The following ADAMTS17 variants were observed in gnomAD, a reference collection of about 807,000 sequenced individuals.
ADAMTS17 encodes A disintegrin and metalloproteinase with thrombospondin motifs 17.
ADAMTS17 carries 113 observed loss-of-function variants against 141.5 expected under a neutral mutation model. The ratio of observed to expected loss-of-function variants is 0.80; its 90% CI spans 0.69 to 0.93. The LOEUF (loss-of-function observed/expected upper bound fraction) is 0.93. Ranked by LOEUF, ADAMTS17 falls within the 40% of genes least tolerant of loss-of-function variation. The probability of loss-of-function intolerance (pLI) is 0.00; values close to 1 mark genes in which losing one functional copy is unlikely to be tolerated. For synonymous variants in ADAMTS17, 768 were observed against 630.6 expected (o/e 1.22, Z -3.27); for missense variants, 1,659 against 1,517.9 (o/e 1.09, Z -1.54).
intron 6 of ADAMTS17, among the ~76,000 whole-genome samples, chr15:100,256,015 C>T (rs1045364218): frequency 6.6e-6 from 1 of 152,230 alleles, no homozygotes; most frequent in African/African-American, 2.4e-5. Context: ...GAATCTCGAT[C>T]CTTCCTGTTC....
chr15:100,044,331 AC>A (rs780608972), intron 18 of ADAMTS17, among the ~76,000 whole-genome samples: 1 of 152,186 alleles, frequency 6.6e-6, no homozygotes, highest in Non-Finnish European at 1.5e-5. Context: ...CCCACAGGTA[AC>A]TGAGTCTTGC....
At chr15:100,278,347 AG>A (rs1166815456) in intron 4 of ADAMTS17, among the ~76,000 whole-genome samples, 1 of 150,552 alleles carries the variant, frequency 6.6e-6, no homozygotes, top group Non-Finnish European at 1.5e-5. Context: ...AAAAAAACCC[AG>A]AAAAAGAAAC....
intron 15 of ADAMTS17, among the ~76,000 whole-genome samples, chr15:100,070,285 T>C (rs1443030382): frequency 1.3e-5 from 2 of 149,598 alleles, no homozygotes; most frequent in African/African-American, 5.0e-5. Context: ...TCCCACACAA[T>C]AATAATGGGA....
intron 15 of ADAMTS17, among the ~76,000 whole-genome samples, chr15:100,077,365 G>C (rs993811485): frequency 3.3e-5 from 5 of 149,830 alleles, no homozygotes; most frequent in African/African-American, 9.9e-5. Flanking sequence ...AGGAGGCTGA[G>C]GCACGAGAAT....
intron 8 of ADAMTS17, among the ~76,000 whole-genome samples, chr15:100,196,832 T>C (rs1035586208): frequency 6.6e-6 from 1 of 152,320 alleles, no homozygotes; most frequent in African/African-American, 2.4e-5. Flanking sequence ...GGGGAGGACA[T>C]AGCTTCATCC....
intron 20 of ADAMTS17, chr15:99,976,691 T>G (rs538261691): frequency 4.0e-5 from 10 of 249,952 alleles, no homozygotes; most frequent in African/African-American, 2.0e-4. Context: ...GCTTGCTGGC[T>G]CTCCACCGTG....
At chr15:100,182,581 C>T (rs1893548221) in intron 8 of ADAMTS17, among the ~76,000 whole-genome samples, 1 of 152,174 alleles carries the variant, frequency 6.6e-6, no homozygotes, top group African/African-American at 2.4e-5. Context: ...GACTGTCTTT[C>T]CTACCGACTT....
intron 15 of ADAMTS17, among the ~76,000 whole-genome samples, chr15:100,089,788 C>T (rs1261694101): frequency 7.2e-6 from 1 of 138,372 alleles, no homozygotes; most frequent in Non-Finnish European, 1.5e-5. Flanking sequence ...ACAATGAGAA[C>T]ACATGGACAC....
At chr15:100,301,491 AT>A (rs55686011) in intron 3 of ADAMTS17, among the ~76,000 whole-genome samples, 11,074 of 133,262 alleles carry the variant, frequency 0.083, 704 homozygotes, top group African/African-American at 0.2. Context: ...CACCGGGCTA[AT>A]TTTTTTTTTT....
At chr15:100,205,382 A>G (rs751793166) in intron 7 of ADAMTS17, among the ~76,000 whole-genome samples, 12 of 152,128 alleles carry the variant, frequency 7.9e-5, no homozygotes, top group Non-Finnish European at 1.8e-4. Context: ...GGGAGAGGGG[A>G]AGGAAAGAGA....
intron 2 of ADAMTS17, among the ~76,000 whole-genome samples, chr15:100,337,012 T>C (rs1017289294): frequency 2.0e-5 from 3 of 152,144 alleles, no homozygotes; most frequent in Admixed American, 6.5e-5. Context: ...TAGCTGGGAT[T>C]ACAGGCGCCC....
intron 8 of ADAMTS17, among the ~76,000 whole-genome samples, chr15:100,183,712 A>T (rs1016300636): frequency 2.6e-5 from 4 of 152,148 alleles, no homozygotes; most frequent in African/African-American, 9.7e-5. Context: ...TACTTTGGTT[A>T]TTATATTAGG....
intron 15 of ADAMTS17, among the ~76,000 whole-genome samples, chr15:100,066,237 T>G (rs2033515799): frequency 6.6e-6 from 1 of 152,202 alleles, no homozygotes; most frequent in African/African-American, 2.4e-5. Flanking sequence ...GCTTTTATCA[T>G]GAAGAGGTAT....
At chr15:99,987,298 G>A (rs945954907) in intron 20 of ADAMTS17, among the ~76,000 whole-genome samples, 4 of 152,150 alleles carry the variant, frequency 2.6e-5, no homozygotes, top group Non-Finnish European at 5.9e-5. Context: ...CACAGTGAGC[G>A]GAACACCTGC....
chr15:100,250,712 C>T (rs1377349336), intron 7 of ADAMTS17, among the ~76,000 whole-genome samples: 1 of 152,104 alleles, frequency 6.6e-6, no homozygotes, highest in Non-Finnish European at 1.5e-5. Context: ...CATGCAGAAA[C>T]CAGTGAAGCC....
intron 14 of ADAMTS17, among the ~76,000 whole-genome samples, chr15:100,099,418 G>A (rs923064948): frequency 3.9e-5 from 6 of 152,202 alleles, no homozygotes; most frequent in African/African-American, 1.4e-4. Flanking sequence ...GCTGCCATAG[G>A]ACACAACTGA....
At chr15:100,035,818 T>G (rs561677367) in intron 18 of ADAMTS17, among the ~76,000 whole-genome samples, 13 of 152,260 alleles carry the variant, frequency 8.5e-5, no homozygotes, top group African/African-American at 2.4e-4. Context: ...GAGTAAGTAG[T>G]ATAAATATGA....
At chr15:100,190,472 G>C (rs1440178372) in intron 8 of ADAMTS17, among the ~76,000 whole-genome samples, 1 of 152,208 alleles carries the variant, frequency 6.6e-6, no homozygotes, top group Non-Finnish European at 1.5e-5. Context: ...AAGGCATTCA[G>C]GTTTCTTCCA....
chr15:100,058,772 A>G (rs1402630963), intron 15 of ADAMTS17, among the ~76,000 whole-genome samples: 3 of 152,166 alleles, frequency 2.0e-5, no homozygotes, highest in Admixed American at 2.0e-4. Flanking sequence ...CTGTAGCGGA[A>G]TGGGTGGGAG....
Sources: allele counts gnomAD v4.1 joint callset (sites outside exome capture counted in the v4.1 genomes callset), GRCh38; gene constraint gnomAD v4.1.1; transcripts MANE v1.5; gene names NCBI Gene and HGNC (gene_info 2026-07-23, HGNC 2026-07-21).